The following RBFOX3 variants were observed in gnomAD, a reference collection of about 807,000 sequenced individuals.
RBFOX3 encodes RNA binding fox-1 homolog 3, also known as RNA binding protein fox-1 homolog 3.
RBFOX3 carries 17 observed loss-of-function variants against 48.7 expected under a neutral mutation model. The ratio of observed to expected loss-of-function variants is 0.35; its 90% CI spans 0.24 to 0.52. RBFOX3 has a LOEUF of 0.52. RBFOX3 is among the 20% of genes least tolerant of loss of function. The pLI is 0.94. For missense variants in RBFOX3, 382 were observed against 497.5 expected (o/e 0.77, Z 2.21); for synonymous variants, 212 against 209.5 (o/e 1.01, Z -0.10).
chr17:79,457,534 C>T (rs1555745819), intron 2 of RBFOX3, among the ~76,000 whole-genome samples: 1 of 152,210 alleles, frequency 6.6e-6, no homozygotes, highest in African/African-American at 2.4e-5. Context: ...TTCCTGAAGC[C>T]CAGGGCCAGC....
chr17:79,527,839 A>T (rs932480621), intron 1 of RBFOX3, among the ~76,000 whole-genome samples: 54 of 152,286 alleles, frequency 3.5e-4, no homozygotes, highest in Non-Finnish European at 6.5e-4. Context: ...ACCAGCCAGG[A>T]GGGCCTCCTG....
intron 4 of RBFOX3, among the ~76,000 whole-genome samples, chr17:79,202,443 C>A (rs2056901480): frequency 6.6e-6 from 1 of 152,176 alleles, no homozygotes; most frequent in Admixed American, 6.5e-5. Flanking sequence ...TCTGCCACTG[C>A]TAGGGGTGCT....
intron 4 of RBFOX3, among the ~76,000 whole-genome samples, chr17:79,179,511 G>C (rs1462721390): frequency 6.6e-6 from 1 of 152,066 alleles, no homozygotes; most frequent in Non-Finnish European, 1.5e-5. Context: ...TCCTCTCAGG[G>C]CCAGTCCCTC....
At position 79,479,431 on chromosome 17, in the gene RBFOX3, C is replaced by T. The variant is rs2078452494; in HGVS notation, c.-175+3023G>A. On this transcript the variant is annotated intron_variant, in intron 2 of 14. Transcript: ENST00000693108. This position sits in a 1 kb window ranked among gnomAD's most constrained non-coding sequence, Gnocchi z 5.1. ...AAAGCCACACGCAGGCCTCAGACTG[C>T]ATTGCTCCTTGCTCTGAGGGGCTTC... Among the ~76,000 whole-genome samples, 1 of 152,220 alleles carries T rather than the reference C, an allele frequency of 6.6e-6. No homozygotes were observed. The highest frequency in any genetic ancestry group is 2.1e-4 in the South Asian group (1 of 4,832).
chr17:79,608,686 G>C (rs2093895323), intron 1 of RBFOX3, among the ~76,000 whole-genome samples: 1 of 152,178 alleles, frequency 6.6e-6, no homozygotes, highest in East Asian at 1.9e-4. Context: ...CACCCGCTCT[G>C]TCTCCCTCCT....
chr17:79,289,119 C>T (rs1346470664), intron 3 of RBFOX3, among the ~76,000 whole-genome samples: 1 of 152,172 alleles, frequency 6.6e-6, no homozygotes, highest in African/African-American at 2.4e-5. Context: ...TGCTGCTCCC[C>T]AGATCCCAAA....
Position 79,115,703 on chromosome 17 carries a change from A to AGTGGGGGGGGGGGTT in RBFOX3, c.12_13insAACCCCCCCCCCCAC (p.Pro4_Tyr5insAsnProProProHis). The AGTGGGGGGGGGGGTT allele has an allele frequency of 2.6e-6, 1 of 383,552 alleles. No homozygotes were observed. Among genetic ancestry groups the AGTGGGGGGGGGGGTT allele is most frequent in the Non-Finnish European group, 4.8e-6 (1 of 207,124 alleles). 23.8% of individuals were successfully genotyped at this position (383,552 alleles called of 1,614,324 possible). A position where few individuals can be genotyped will look rare whatever the true frequency, so the allele number is the denominator to read the frequency against. The stretch of plus-strand genomic sequence containing the variant: ...GGAGGGGGGTACTGGGCGGGGGGGT[A>AGTGGGGGGGGGGGTT]GGGCTGGGCCATCGCTTCAGGCGGA... On this transcript the variant is annotated inframe_insertion, in exon 5 of 15. Coordinates refer to ENST00000693108, the MANE Select transcript of RBFOX3 (RefSeq NM_001350451.2).
At chr17:79,248,237 TG>T (rs1259957722) in intron 3 of RBFOX3, among the ~76,000 whole-genome samples, 1 of 151,690 alleles carries the variant, frequency 6.6e-6, no homozygotes, top group African/African-American at 2.4e-5. Flanking sequence ...TTTGTGTGTG[TG>T]TGTTTTTTTT....
intron 3 of RBFOX3, among the ~76,000 whole-genome samples, chr17:79,245,113 T>C (rs1461499800): frequency 6.6e-6 from 1 of 151,764 alleles, no homozygotes; most frequent in East Asian, 1.9e-4. Context: ...TCTCACTCTG[T>C]TGCTCAGGCT....
At chr17:79,291,095 A>G (rs949755816) in intron 3 of RBFOX3, among the ~76,000 whole-genome samples, 42 of 152,252 alleles carry the variant, frequency 2.8e-4, no homozygotes, top group Admixed American at 2.6e-3. Context: ...AAGAAAGACC[A>G]TGATAAAATG....
rs1237571912 is a variant in RBFOX3, at chr17:79,216,672, C to A, written c.-34+19094G>T. On this transcript the variant is annotated intron_variant, in intron 4 of 14. Transcript: ENST00000693108. ...GGTGGGGACAGGGTCACATGCCCAC[C>A]CGTTCTGGCGTCTCCCTGTCCTGCC... 6.6e-5 allele frequency among the ~76,000 whole-genome samples: 10 copies of A among 152,268 alleles called. No individual in the cohort carries two copies. In the East Asian group the frequency reaches 1.9e-3, roughly 29 times the overall value.
chr17:79,178,796 C>T (rs1226037741), intron 4 of RBFOX3, among the ~76,000 whole-genome samples: 4 of 152,312 alleles, frequency 2.6e-5, no homozygotes, highest in East Asian at 3.9e-4. Context: ...GGCGCAGGAC[C>T]GCTGCGTGGG....
chr17:79,239,179 C>T (rs1227069050), intron 3 of RBFOX3, among the ~76,000 whole-genome samples: 1 of 152,174 alleles, frequency 6.6e-6, no homozygotes, highest in African/African-American at 2.4e-5. Flanking sequence ...CTTCTGCACT[C>T]CCAGCATTTT....
At chr17:79,097,259 C>G (rs1190117176) in intron 11 of RBFOX3, 33 bp downstream of exon 11, 3 of 1,517,464 alleles carry the variant, frequency 2.0e-6, no homozygotes, top group East Asian at 2.5e-5. Context: ...GTCCTACCCC[C>G]TCCTCCACGC....
chr17:79,511,529 G>A (rs1287341768), intron 1 of RBFOX3, among the ~76,000 whole-genome samples: 3 of 152,170 alleles, frequency 2.0e-5, no homozygotes, highest in African/African-American at 7.2e-5. Flanking sequence ...CCCGTGTGGG[G>A]TGAGGGCAGC....
chr17:79,289,465 T>G (rs532656769), intron 3 of RBFOX3, among the ~76,000 whole-genome samples: 1 of 152,370 alleles, frequency 6.6e-6, no homozygotes, highest in African/African-American at 2.4e-5. Flanking sequence ...AGCCCTTGAC[T>G]GGCCTTTGCC....
intron 4 of RBFOX3, among the ~76,000 whole-genome samples, chr17:79,223,423 C>T (rs188283560): frequency 5.9e-5 from 9 of 152,338 alleles, no homozygotes; most frequent in Middle Eastern, 3.4e-3. Context: ...CACCTCTGCA[C>T]GCAGAACCTT....
Position 79,582,272 on chromosome 17 carries a change from G to T in RBFOX3, c.-320+28554C>A, listed in dbSNP as rs1052689405. On this transcript the variant is annotated intron_variant, in intron 1 of 14. Transcript: ENST00000693108. The stretch of plus-strand genomic sequence containing the variant: ...TATGTGCCTGTGTATGCATGCATGT[G>T]CCTGTGTGTGCATCTGTGTGCATGC... 5.1e-3 allele frequency among the ~76,000 whole-genome samples: 763 copies of T among 150,438 alleles called. 10 individuals carry two copies. Among genetic ancestry groups the T allele is most frequent in the African/African-American group, 0.018 (720 of 39,798 alleles).
intron 3 of RBFOX3, among the ~76,000 whole-genome samples, chr17:79,272,090 A>G (rs544008916): frequency 2.6e-4 from 40 of 152,372 alleles, no homozygotes; most frequent in Non-Finnish European, 5.0e-4. Context: ...TTGTGGAGTC[A>G]GGAAAGGGCG....
Sources: allele counts gnomAD v4.1 joint callset (sites outside exome capture counted in the v4.1 genomes callset), GRCh38; gene constraint gnomAD v4.1.1; non-coding constraint Gnocchi (gnomAD v3.1); transcripts MANE v1.5; gene names NCBI Gene and HGNC (gene_info 2026-07-23, HGNC 2026-07-21).